Variants in ATP13A4 observed in about 807,000 individuals in gnomAD.
ATP13A4 encodes the protein ATPase 13A4, also known as probable cation-transporting ATPase 13A4.
In ATP13A4, 114 loss-of-function variants were observed where a neutral mutation model predicts 142.5. The ratio of observed to expected loss-of-function variants is 0.80; its 90% CI spans 0.69 to 0.93. The LOEUF (loss-of-function observed/expected upper bound fraction) is 0.93, where lower values mean the gene tolerates loss of function less well. Among genes scored for constraint, ATP13A4 ranks in the 40% least tolerant of loss-of-function variants. The pLI is 0.00. For missense variants in ATP13A4, 1,392 were observed against 1,454.0 expected (o/e 0.96, Z 0.69); for synonymous variants, 488 against 514.8 (o/e 0.95, Z 0.70).
At chr3:193,416,520 C>A (rs1370415048) in intron 25 of ATP13A4, among the ~76,000 whole-genome samples, 1 of 152,122 alleles carries the variant, frequency 6.6e-6, no homozygotes, top group African/African-American at 2.4e-5. Context: ...AAAAGAAATT[C>A]TGAAGCTGAA....
chr3:193,455,320 A>G (rs1221524036), intron 16 of ATP13A4, among the ~76,000 whole-genome samples: 24 of 146,412 alleles, frequency 1.6e-4, no homozygotes, highest in Non-Finnish European at 2.5e-4. Flanking sequence ...CAGCCTGGGC[A>G]ACAGAGCGAG....
chr3:193,538,098 G>A (rs1722683658), intron 1 of ATP13A4, among the ~76,000 whole-genome samples: 1 of 152,084 alleles, frequency 6.6e-6, no homozygotes, highest in Non-Finnish European at 1.5e-5. Context: ...ATTGCCAATG[G>A]GGGAAACTGG....
intron 1 of ATP13A4, among the ~76,000 whole-genome samples, chr3:193,552,601 G>A (rs888657477): frequency 1.3e-5 from 2 of 152,226 alleles, no homozygotes; most frequent in Admixed American, 6.5e-5. Flanking sequence ...AAGAAGACTG[G>A]ATGTTGATGT....
At chr3:193,484,964 A>T (rs1028016709) in intron 7 of ATP13A4, among the ~76,000 whole-genome samples, 11 of 152,176 alleles carry the variant, frequency 7.2e-5, no homozygotes, top group African/African-American at 2.4e-4. Context: ...GTGACATTGA[A>T]CCTAAGATCT....
intron 14 of ATP13A4, 70 bp from the exon 15 acceptor site, chr3:193,457,535 C>T (rs976034983): frequency 7.0e-7 from 1 of 1,437,996 alleles, no homozygotes; most frequent in African/African-American, 1.4e-5. Flanking sequence ...TATGCTTGAA[C>T]CCTCCCCTTG....
intron 13 of ATP13A4, among the ~76,000 whole-genome samples, chr3:193,460,206 G>A (rs533465016): frequency 3.3e-5 from 5 of 152,188 alleles, no homozygotes; most frequent in South Asian, 2.1e-4. Context: ...AGGAACCTCC[G>A]GCTGTTCCTC....
chr3:193,400,214 A>G lies in ATP13A4; in HGVS notation c.*2438T>C, dbSNP rs1251742938. The stretch of plus-strand genomic sequence containing the variant: ...AGGCTGGGCACTCCCTGTTCCTTCA[A>G]TTACTGCTTCTAAGATGTAGTTAAT... On this transcript the variant is annotated 3_prime_UTR_variant, in exon 30 of 30. Coordinates refer to ENST00000342695, the MANE Select transcript of ATP13A4 (RefSeq NM_032279.4). Among the ~76,000 whole-genome samples the G allele has an allele frequency of 4.6e-5, 7 of 152,168 alleles. No individual in the cohort carries two copies. The highest frequency in any genetic ancestry group is 8.8e-5 in the Non-Finnish European group (6 of 68,040).
At chr3:193,457,295 A>G (rs751507779) in intron 15 of ATP13A4, 84 bp downstream of exon 15, 21 of 1,573,734 alleles carry the variant, frequency 1.3e-5, no homozygotes, top group Non-Finnish European at 1.7e-5. Flanking sequence ...TCAAAGACAC[A>G]TCTGTGACCT....
intron 16 of ATP13A4, among the ~76,000 whole-genome samples, chr3:193,456,317 A>G (rs1046452646): frequency 1.3e-5 from 2 of 152,198 alleles, no homozygotes; most frequent in African/African-American, 4.8e-5. Context: ...CATGCTATGG[A>G]AAGCGTTTGG....
At chr3:193,436,867 G>A (rs1041554882) in intron 23 of ATP13A4, among the ~76,000 whole-genome samples, 9 of 140,566 alleles carry the variant, frequency 6.4e-5, no homozygotes, top group Non-Finnish European at 1.2e-4. Flanking sequence ...CACTTTGGGA[G>A]GCCGAGGCGG....
rs768821773 is a variant in ATP13A4 at position 193,466,129 on chromosome 3, C to T, written c.1168G>A (p.Val390Met). ...GCATCCCTGTACAACTGAAAATTCA[C>T]TGGCTTAGGGTAGAGAATGGATCTC... ...LVRSILYPKP[V>M]NFQLYRDAIR... is the part of the protein sequence containing the mutation. Residue 390 changes from valine to methionine, a missense_variant, in exon 11 of 30, where the codon GTG becomes ATG. Transcript: ENST00000342695. 2 of 1,614,032 alleles carry T rather than the reference C, an allele frequency of 1.2e-6. No individual in the cohort carries two copies. The highest frequency in any genetic ancestry group is 2.7e-5 in the African/African-American group (2 of 74,924).
chr3:193,590,053 T>C (rs1724734609), intron 1 of ATP13A4, among the ~76,000 whole-genome samples: 1 of 149,592 alleles, frequency 6.7e-6, no homozygotes, highest in Non-Finnish European at 1.5e-5. Flanking sequence ...ATTGTAATCA[T>C]CCAGCAGGTT....
intron 1 of ATP13A4, among the ~76,000 whole-genome samples, chr3:193,516,782 TTCTTTTTTGGGCTACG>T (rs1441599643): frequency 1.4e-5 from 2 of 144,458 alleles, no homozygotes; most frequent in African/African-American, 2.4e-5. Flanking sequence ...TTACTATGCA[TTCTTTTTTGGGCTACG>T]CAGTGAGGGC....
intron 1 of ATP13A4, among the ~76,000 whole-genome samples, chr3:193,582,634 C>CATGTAT (rs1724578370): frequency 4.4e-5 from 2 of 45,798 alleles, no homozygotes; most frequent in Admixed American, 2.2e-4. Flanking sequence ...ATATTACATA[C>CATGTAT]ATTATATATG....
intron 8 of ATP13A4, among the ~76,000 whole-genome samples, chr3:193,480,407 C>T (rs796295113): frequency 5.3e-5 from 8 of 151,906 alleles, no homozygotes; most frequent in South Asian, 4.1e-4. Context: ...CCAGAATCTA[C>T]GAGGAACCCA....
At chr3:193,508,382 G>C (rs1374285277) in intron 2 of ATP13A4, among the ~76,000 whole-genome samples, 2 of 152,094 alleles carry the variant, frequency 1.3e-5, no homozygotes, top group Non-Finnish European at 2.9e-5. Context: ...TGTAGAATCT[G>C]GTCACTGGAC....
chr3:193,490,161 T>C (rs746279228), intron 6 of ATP13A4, among the ~76,000 whole-genome samples: 2 of 152,188 alleles, frequency 1.3e-5, no homozygotes, highest in East Asian at 3.8e-4. Context: ...GCGACTATGA[T>C]TGCCACAGAC....
rs141049733 is a variant in ATP13A4 at position 193,488,644 on chromosome 3, C to T, written c.738+1086G>A. Among the ~76,000 whole-genome samples the T allele has an allele frequency of 5.3e-5, 8 of 152,130 alleles. No homozygotes were observed. The South Asian group carries it at 6.2e-4, about 12-fold the overall frequency. On this transcript the variant is annotated intron_variant, in intron 7 of 29. Coordinates refer to ENST00000342695, the MANE Select transcript of ATP13A4 (RefSeq NM_032279.4). ...GGAGTCATGAGGGAGGAAGACATGT[C>T]GGCATGAGTGAAAAGTAAGAGGAAG...
intron 1 of ATP13A4, among the ~76,000 whole-genome samples, chr3:193,517,801 C>T (rs1721508485): frequency 6.6e-6 from 1 of 152,294 alleles, no homozygotes; most frequent in African/African-American, 2.4e-5. Flanking sequence ...GAATGCATTT[C>T]AATGGATTTA....
Sources: gnomAD v4.1 joint callset for allele counts (sites outside exome capture counted in the v4.1 genomes callset) on GRCh38, gnomAD v4.1.1 for gene constraint, MANE v1.5 for transcripts, NCBI Gene and HGNC (gene_info 2026-07-23, HGNC 2026-07-21) for gene names.